The following PCDHA7 variants were observed in gnomAD, a reference collection of about 807,000 sequenced individuals.
PCDHA7 encodes the protein protocadherin alpha 7.
PCDHA7 carries 37 observed loss-of-function variants against 57.2 expected under a neutral mutation model. The observed-to-expected ratio is 0.65, with a 90% CI of 0.50 to 0.85. The LOEUF (loss-of-function observed/expected upper bound fraction) is 0.85. Among genes scored for constraint, PCDHA7 ranks in the 40% least tolerant of loss-of-function variants. The pLI is 0.00. For missense variants in PCDHA7, 1,188 were observed against 1,241.8 expected (o/e 0.96, Z 0.65); for synonymous variants, 553 against 558.8 (o/e 0.99, Z 0.15).
chr5:140,857,220 A>C (rs1554149674), intron 1 of PCDHA7: 1 of 1,598,480 alleles, frequency 6.3e-7, no homozygotes, highest in Admixed American at 1.7e-5. Flanking sequence ...CTGACGCCTC[A>C]CGTTCCGTTC....
chr5:140,969,228 G>C, intron 1 of PCDHA7: 1 of 1,614,176 alleles, frequency 6.2e-7, no homozygotes, highest in Non-Finnish European at 8.5e-7. Flanking sequence ...GGGCCTTCGG[G>C]AGCCCAAGCA....
At chr5:140,882,854 C>G in intron 1 of PCDHA7, 2 of 1,614,196 alleles carry the variant, frequency 1.2e-6, no homozygotes, top group Non-Finnish European at 1.7e-6. Flanking sequence ...ATCACTTGTA[C>G]TGAGGAAAAC....
intron 1 of PCDHA7, among the ~76,000 whole-genome samples, chr5:140,903,758 T>TCCACCAAAGCCCAGTAATAGGCCAAGA (rs2070567163): frequency 6.6e-6 from 1 of 152,218 alleles, no homozygotes; most frequent in Non-Finnish European, 1.5e-5. Flanking sequence ...CCTTGATTTT[T>TCCACCAAAGCCCAGTAATAGGCCAAGA]GCTGAACTTT....
chr5:140,968,405 G>C (rs2096244938), intron 1 of PCDHA7: 7 of 1,614,002 alleles, frequency 4.3e-6, no homozygotes, highest in Non-Finnish European at 5.9e-6. Flanking sequence ...GGAGTTCTTT[G>C]TGACTGTGGA....
intron 3 of PCDHA7, among the ~76,000 whole-genome samples, chr5:141,000,403 A>G (rs1233777704): frequency 4.8e-5 from 4 of 84,110 alleles, no homozygotes; most frequent in Non-Finnish European, 9.0e-5. Context: ...CTCTATATAT[A>G]TATATATATA....
rs2150458780 is a variant in PCDHA7, at chr5:140,849,941, T to A, written c.2355+13203T>A. ...TCTTCACGGTGTCTGCGCGGGACGC[T>A]GACGCGCAGGAGAACGCCCTGGTGT... On this transcript the variant is annotated intron_variant, in intron 1 of 3. Transcript: ENST00000525929. The A allele has an allele frequency of 1.5e-5, 24 of 1,597,306 alleles. 2 individuals carry two copies. Among genetic ancestry groups the A allele is most frequent in the Non-Finnish European group, 1.9e-5 (22 of 1,167,576 alleles).
At chr5:140,856,761 C>G (rs377564040) in intron 1 of PCDHA7, 2 of 1,596,598 alleles carry the variant, frequency 1.3e-6, no homozygotes, top group South Asian at 2.2e-5. Context: ...AATGATAACG[C>G]CCCTATCTTT....
At chr5:140,866,405 A>AT (rs2049338047) in intron 1 of PCDHA7, 1 of 152,116 alleles carries the variant, frequency 6.6e-6, no homozygotes, top group Non-Finnish European at 1.5e-5. Context: ...TCCCATGAAA[A>AT]TCTTCAAATG....
At chr5:141,001,702 G>C (rs2098033163) in intron 3 of PCDHA7, among the ~76,000 whole-genome samples, 1 of 152,194 alleles carries the variant, frequency 6.6e-6, no homozygotes, top group Non-Finnish European at 1.5e-5. Flanking sequence ...GGCGAAATAG[G>C]GGGCGGGGAA....
At chr5:140,863,350 A>G (rs781880705) in intron 1 of PCDHA7, 2 of 1,296,828 alleles carry the variant, frequency 1.5e-6, no homozygotes, top group Non-Finnish European at 2.1e-6. Flanking sequence ...GCTGTACACG[A>G]CGCTGCGGTG....
intron 1 of PCDHA7, chr5:140,851,739 C>T: frequency 1.0e-6 from 1 of 971,880 alleles, no homozygotes; most frequent in Non-Finnish European, 1.2e-6. Context: ...TTTTGAAATT[C>T]AGAGTCTGTA....
At chr5:140,864,471 G>A (rs924017911) in intron 1 of PCDHA7, 23 of 152,218 alleles carry the variant, frequency 1.5e-4, no homozygotes, top group African/African-American at 5.3e-4. Context: ...TTTTTGAGAT[G>A]TTGATTGCAG....
chr5:140,860,055 A>C (rs1466399941), intron 1 of PCDHA7: 6 of 151,228 alleles, frequency 4.0e-5, no homozygotes, highest in Admixed American at 3.3e-4. Flanking sequence ...TTGAGAGGCC[A>C]AGGTGGGAGG....
At chr5:140,980,447 C>T (rs952861849) in intron 2 of PCDHA7, among the ~76,000 whole-genome samples, 4 of 152,036 alleles carry the variant, frequency 2.6e-5, no homozygotes, top group Admixed American at 6.6e-5. Context: ...CTGGACAACA[C>T]GGTGAAACCC....
At position 140,850,061 on chromosome 5, in the gene PCDHA7, G is replaced by T. The variant is rs2150465496; in HGVS notation, c.2355+13323G>T. 7 of 1,596,546 alleles carry T rather than the reference G, an allele frequency of 4.4e-6. No individual in the cohort carries two copies. In the South Asian group the frequency reaches 6.6e-5, roughly 15 times the overall value. ...GCGGCAAGGTGTACGCGCTGCAGCCGTTGGACCACGAGGAGCTGGAGCTGC... is the reference window on the plus strand; with the variant it reads ...GCGGCAAGGTGTACGCGCTGCAGCCTTTGGACCACGAGGAGCTGGAGCTGC... On this transcript the variant is annotated intron_variant, in intron 1 of 3. Transcript: ENST00000525929.
chr5:140,907,136 G>A (rs115442963), intron 1 of PCDHA7, among the ~76,000 whole-genome samples: 1,721 of 152,234 alleles, frequency 0.011, 29 homozygotes, highest in African/African-American at 0.038. Flanking sequence ...TGTGAATTCC[G>A]GCTATGGGAG....
chr5:140,953,938 C>T (rs1349031672), intron 1 of PCDHA7, among the ~76,000 whole-genome samples: 1 of 152,088 alleles, frequency 6.6e-6, no homozygotes, highest in African/African-American at 2.4e-5. Context: ...CTCTCCCTCC[C>T]ATTGCTCCCC....
chr5:140,883,606 C>T (rs782093980), intron 1 of PCDHA7: 1 of 1,613,942 alleles, frequency 6.2e-7, no homozygotes, highest in South Asian at 1.1e-5. Flanking sequence ...TGGGGGTGGC[C>T]GACGTGAACG....
At position 140,843,448 on chromosome 5, in the gene PCDHA7, C is replaced by A. The variant is rs2150360253; in HGVS notation, c.2355+6710C>A. 12 of 1,595,998 alleles carry A rather than the reference C, an allele frequency of 7.5e-6. 1 individual carries two copies. The highest frequency in any genetic ancestry group is 1.3e-5 in the African/African-American group (1 of 74,422). ...TCATCGCCATCTGCGCGGTATCCAGCCTGCTGGTGCTCACGCTGCTGCTGT... is the reference window on the plus strand; with the variant it reads ...TCATCGCCATCTGCGCGGTATCCAGACTGCTGGTGCTCACGCTGCTGCTGT... On this transcript the variant is annotated intron_variant, in intron 1 of 3. Transcript: ENST00000525929.
Sources: allele counts gnomAD v4.1 joint callset (sites outside exome capture counted in the v4.1 genomes callset), GRCh38; gene constraint gnomAD v4.1.1; transcripts MANE v1.5; gene names NCBI Gene and HGNC (gene_info 2026-07-23, HGNC 2026-07-21).